The following COA8 variants were observed in gnomAD, a reference collection of about 807,000 sequenced individuals.
COA8 encodes UPF0671 protein C14orf153.
COA8 carries 20 observed loss-of-function variants against 22.0 expected under a neutral mutation model. That is an observed-to-expected ratio of 0.91 (90% CI 0.64 to 1.32). The LOEUF (loss-of-function observed/expected upper bound fraction) is 1.32. Ranked by LOEUF, COA8 falls within the 40% of genes most tolerant of loss-of-function variation. COA8 has a pLI of 0.00. For synonymous variants in COA8, 105 were observed against 79.9 expected, an observed-to-expected ratio of 1.31 and a Z score of -1.68; for missense variants, 266 against 230.0, an observed-to-expected ratio of 1.16 and a Z score of -1.01.
At chr14:103,564,515 T>C (rs1272311701) in intron 1 of COA8, among the ~76,000 whole-genome samples, 1 of 151,490 alleles carries the variant, frequency 6.6e-6, no homozygotes, top group Non-Finnish European at 1.5e-5. Flanking sequence ...TGTGAACTTG[T>C]GCTGGAAAGA....
Position 103,590,208 on chromosome 14 carries a change from C to T in COA8, c.504C>T (p.Ile168=), listed in dbSNP as rs1208384276. ...NRDWYKRNFA[I]TFFMGKVALE... ...ATTGGTACAAGCGCAATTTTGCCAT[C>T]ACCTTCTTCATGGGAAAAGTGGCCC... The change falls in exon 5 of 5, where the codon ATC becomes ATT. Residue 168 remains isoleucine (I), a synonymous_variant. Transcript: ENST00000409074. 6.8e-6 allele frequency: 11 copies of T among 1,614,186 alleles called. No individual in the cohort carries two copies. In the South Asian group the frequency reaches 9.9e-5, roughly 15 times the overall value.
At chr14:103,578,621 C>T (rs910191704) in intron 3 of COA8, among the ~76,000 whole-genome samples, 1 of 152,188 alleles carries the variant, frequency 6.6e-6, no homozygotes, top group Admixed American at 6.5e-5. Context: ...CGGTGTTTTG[C>T]CTCTTTCCCT....
intron 3 of COA8, among the ~76,000 whole-genome samples, chr14:103,577,090 G>C (rs969030114): frequency 6.6e-6 from 1 of 152,070 alleles, no homozygotes; most frequent in Non-Finnish European, 1.5e-5. Context: ...TTATTTTTTT[G>C]AGATGGAGTC....
rs2896487 is a variant in COA8, at chr14:103,587,513, T to C, written c.476+149T>C. On this transcript the variant is annotated intron_variant, in intron 4 of 4. Transcript: ENST00000409074. ...ACTTTTTTTTTTCTTTTTTTCTTTT[T>C]TTTTTTTTTTTTGAGACGGAGTTTC... is the stretch of plus-strand genomic sequence containing the variant. 0.23 allele frequency: 106,586 copies of C among 463,378 alleles called. 9,642 individuals carry two copies. The highest frequency in any genetic ancestry group is 0.27 in the East Asian group (7,433 of 27,402). 28.7% of individuals were successfully genotyped at this position (463,378 alleles called of 1,614,324 possible). A position where few individuals can be genotyped will look rare whatever the true frequency, so the allele number is the denominator to read the frequency against.
At chr14:103,580,762 G>C (rs1409459056) in intron 3 of COA8, among the ~76,000 whole-genome samples, 1 of 150,924 alleles carries the variant, frequency 6.6e-6, no homozygotes, top group African/African-American at 2.4e-5. Context: ...CAAAGTGCTG[G>C]GATTACAGGC....
At position 103,568,621 on chromosome 14, in the gene COA8, G is replaced by GTGTA. The variant is rs1232366571; in HGVS notation, c.124-3001_124-3000insGTAT. On this transcript the variant is annotated intron_variant, in intron 1 of 4. Transcript: ENST00000409074. ...TATACGTATATATATATGTGTGTGT[G>GTGTA]TATATATATATATATATATATATAT... Among the ~76,000 whole-genome samples the GTGTA allele has an allele frequency of 3.2e-3, 459 of 141,858 alleles. 3 individuals carry two copies. The highest frequency in any genetic ancestry group is 0.012 in the African/African-American group (431 of 37,466). The allele number at this position is 141,858 out of a possible 152,430, so 93.1% of individuals were successfully genotyped here. A position where few individuals can be genotyped will look rare whatever the true frequency, so the allele number is the denominator to read the frequency against.
chr14:103,578,004 GCAAGAGTGAAACT>G (rs2076241346), intron 3 of COA8, among the ~76,000 whole-genome samples: 1 of 125,882 alleles, frequency 7.9e-6, no homozygotes, highest in Non-Finnish European at 1.6e-5. Context: ...AGCCTGGGCA[GCAAGAGTGAAACT>G]CCATCTCAAA....
At position 103,590,264 on chromosome 14, in the gene COA8, A is replaced by C; in HGVS notation, c.560A>C (p.Lys187Thr). 6.2e-7 allele frequency: 1 copy of C among 1,614,074 alleles called. No homozygotes were observed. Among genetic ancestry groups the C allele is most frequent in the Non-Finnish European group, 8.5e-7 (1 of 1,179,936 alleles). ...LERIWNKLKQKQKKRSN is the reference protein window; with the variant it reads ...LERIWNKLKQTQKKRSN ...AGGATTTGGAACAAGCTTAAACAGA[A>C]ACAAAAGAAGAGGAGCAACTAGGAG... is the stretch of plus-strand genomic sequence containing the variant. The change falls in exon 5 of 5, where the codon AAA becomes ACA. Residue 187 changes from lysine to threonine, a missense_variant. Lys to Thr is a moderately conservative substitution (Grantham distance 78). Coordinates refer to ENST00000409074, the MANE Select transcript of COA8 (RefSeq NM_001370595.2).
In COA8 at chr14:103,581,471, G is replaced by C; in HGVS notation, c.386-5803G>C. The C allele has an allele frequency of 2.5e-6, 1 of 393,990 alleles. No individual in the cohort carries two copies. Among genetic ancestry groups the C allele is most frequent in the Non-Finnish European group, 4.5e-6 (1 of 223,662 alleles). The allele number at this position is 393,990 out of a possible 1,614,324, so 24.4% of individuals were successfully genotyped here. ...GGAGTCGCCTCCTGGGCTGGTCGGA[G>C]TAGGACCTTGGGAGGTTTCATCACG... On this transcript the variant is annotated intron_variant, in intron 3 of 4. Coordinates refer to ENST00000409074, the MANE Select transcript of COA8 (RefSeq NM_001370595.2). This position sits in a 1 kb window ranked among gnomAD's most constrained non-coding sequence, Gnocchi z 4.1.
chr14:103,577,337 AAGTGGTGGGATTACAGGCATG>A (rs985606383), intron 3 of COA8, among the ~76,000 whole-genome samples: 8 of 152,118 alleles, frequency 5.3e-5, no homozygotes, highest in South Asian at 4.1e-4. Context: ...CAGTCTCCCA[AAGTGGTGGGATTACAGGCATG>A]AGCCACCGCG....
At chr14:103,568,444 T>TAC (rs910932022) in intron 1 of COA8, among the ~76,000 whole-genome samples, 6 of 151,578 alleles carry the variant, frequency 4.0e-5, no homozygotes, top group African/African-American at 9.7e-5. Flanking sequence ...TATATATATA[T>TAC]ACACACACAT....
chr14:103,589,339 A>G (rs962687838), intron 4 of COA8, among the ~76,000 whole-genome samples: 27 of 152,100 alleles, frequency 1.8e-4, no homozygotes, highest in African/African-American at 2.7e-4. Context: ...AAGTAGGTGG[A>G]GGTGTAAAGG....
chr14:103,576,851 G>C (rs1262846192), intron 3 of COA8, among the ~76,000 whole-genome samples: 1 of 152,146 alleles, frequency 6.6e-6, no homozygotes, highest in Non-Finnish European at 1.5e-5. Flanking sequence ...GGAGGAAGCA[G>C]GCAAAAGAGC....
At chr14:103,576,313 TAAA>T (rs968255067) in intron 3 of COA8, among the ~76,000 whole-genome samples, 7 of 144,538 alleles carry the variant, frequency 4.8e-5, no homozygotes, top group Admixed American at 1.3e-4. Flanking sequence ...CTCAAAAAAA[TAAA>T]AAAAGAAAGT....
chr14:103,588,979 C>G (rs1228233164), intron 4 of COA8, among the ~76,000 whole-genome samples: 2 of 152,196 alleles, frequency 1.3e-5, no homozygotes, highest in Non-Finnish European at 2.9e-5. Flanking sequence ...GTCATTCAAA[C>G]AAGCGAGTAT....
At chr14:103,586,491 C>T (rs1428501426) in intron 3 of COA8, among the ~76,000 whole-genome samples, 2 of 151,842 alleles carry the variant, frequency 1.3e-5, no homozygotes, top group South Asian at 2.1e-4. Flanking sequence ...TACAGACGTG[C>T]ACCACCACGC....
chr14:103,583,540 T>TGAA (rs1566984784), intron 3 of COA8, among the ~76,000 whole-genome samples: 3 of 65,270 alleles, frequency 4.6e-5, no homozygotes, highest in African/African-American at 1.9e-4. Context: ...AGACTCGATC[T>TGAA]CAAAAAAAAA....
intron 4 of COA8, 129 bp from the exon 5 acceptor site, chr14:103,590,052 A>G (rs1336015658): frequency 4.1e-6 from 3 of 736,538 alleles, no homozygotes; most frequent in Non-Finnish European, 7.0e-6. Flanking sequence ...TAACAAGGGC[A>G]GGGAAAGGGC....
At chr14:103,568,281 G>A (rs568099145) in intron 1 of COA8, among the ~76,000 whole-genome samples, 4 of 152,156 alleles carry the variant, frequency 2.6e-5, no homozygotes, top group Non-Finnish European at 5.9e-5. Flanking sequence ...GAGAGATGCT[G>A]GGGTGGGAGT....
Sources: gnomAD v4.1 joint callset for allele counts (sites outside exome capture counted in the v4.1 genomes callset) on GRCh38, gnomAD v4.1.1 for gene constraint, Gnocchi (gnomAD v3.1) non-coding constraint, MANE v1.5 for transcripts, NCBI Gene and HGNC (gene_info 2026-07-23, HGNC 2026-07-21) for gene names.